Variants in CNTN4 observed in about 807,000 individuals in gnomAD.
The protein encoded by CNTN4 is contactin 4.
Under a neutral mutation model 122.5 loss-of-function variants are expected in CNTN4, and 77 were observed. The ratio of observed to expected loss-of-function variants is 0.63; its 90% CI spans 0.52 to 0.76. CNTN4 has a LOEUF of 0.76. CNTN4 is among the 30% of genes least tolerant of loss of function. The probability of loss-of-function intolerance (pLI) is 0.00; values close to 1 mark genes in which losing one functional copy is unlikely to be tolerated. For missense variants in CNTN4, 1,256 were observed against 1,259.1 expected, an observed-to-expected ratio of 1.00 and a Z score of 0.04; for synonymous variants, 512 against 447.0, an observed-to-expected ratio of 1.15 and a Z score of -1.83.
intron 2 of CNTN4, among the ~76,000 whole-genome samples, chr3:2,136,762 G>T (rs1017598506): frequency 6.6e-5 from 10 of 151,648 alleles, no homozygotes; most frequent in African/African-American, 2.4e-4. Flanking sequence ...TATGCTATTT[G>T]TAATTACAGA....
At chr3:2,971,729 C>G (rs1283385110) in intron 13 of CNTN4, among the ~76,000 whole-genome samples, 1 of 152,100 alleles carries the variant, frequency 6.6e-6, no homozygotes, top group Admixed American at 6.5e-5. Flanking sequence ...TCCATAAAAA[C>G]TTTATCTTCT....
intron 6 of CNTN4, among the ~76,000 whole-genome samples, chr3:2,807,920 A>G (rs1336335816): frequency 1.3e-5 from 2 of 152,150 alleles, no homozygotes; most frequent in African/African-American, 4.8e-5. Context: ...TACTCTTTGG[A>G]TAGAATTAAG....
intron 4 of CNTN4, among the ~76,000 whole-genome samples, chr3:2,670,613 T>G (rs1247972559): frequency 6.6e-6 from 1 of 152,226 alleles, no homozygotes; most frequent in Non-Finnish European, 1.5e-5. Flanking sequence ...AATATTGTTA[T>G]GTGCGAATTT....
intron 7 of CNTN4, among the ~76,000 whole-genome samples, chr3:2,856,008 G>T (rs6780485): frequency 0.021 from 3,271 of 152,248 alleles, 121 homozygotes; most frequent in African/African-American, 0.075. Context: ...TCTGATGAAA[G>T]AGATATACTT....
In CNTN4 at chr3:2,807,157, G is replaced by A. The variant is rs889416680; in HGVS notation, c.359-12329G>A. ...TACTGTAGGTACTGAATGAATCTTC[G>A]TTGGTTCTTAACTACCACAAAGTGC... On this transcript the variant is annotated intron_variant, in intron 6 of 24. Coordinates refer to ENST00000418658, the MANE Select transcript of CNTN4 (RefSeq NM_175607.3). Among the ~76,000 whole-genome samples the A allele has an allele frequency of 7.9e-5, 12 of 152,094 alleles. 1 individual carries two copies. Among genetic ancestry groups the A allele is most frequent in the Admixed American group, 3.9e-4 (6 of 15,266 alleles).
intron 14 of CNTN4, among the ~76,000 whole-genome samples, chr3:3,011,465 T>G (rs963418414): frequency 1.3e-5 from 2 of 152,202 alleles, no homozygotes; most frequent in Non-Finnish European, 2.9e-5. Flanking sequence ...ACAAGCATGA[T>G]AATCCCTTGA....
intron 2 of CNTN4, among the ~76,000 whole-genome samples, chr3:2,140,233 C>G (rs925257220): frequency 9.2e-5 from 14 of 152,136 alleles, no homozygotes; most frequent in African/African-American, 3.1e-4. Context: ...AGTGTGAGAA[C>G]AGACTAATAC....
At chr3:2,463,717 C>T (rs955975777) in intron 3 of CNTN4, among the ~76,000 whole-genome samples, 40 of 151,960 alleles carry the variant, frequency 2.6e-4, no homozygotes, top group African/African-American at 8.9e-4. Context: ...CAAGATCGTG[C>T]GAATTCACTC....
At chr3:2,281,154 T>C (rs2041700430) in intron 2 of CNTN4, among the ~76,000 whole-genome samples, 1 of 152,182 alleles carries the variant, frequency 6.6e-6, no homozygotes, top group African/African-American at 2.4e-5. Context: ...TTACTAGCTT[T>C]TTGTGATTAC....
intron 2 of CNTN4, among the ~76,000 whole-genome samples, chr3:2,235,111 G>T (rs193214790): frequency 1.3e-5 from 2 of 152,078 alleles, no homozygotes; most frequent in African/African-American, 2.4e-5. Flanking sequence ...GAGAACACCC[G>T]TAAGTTTATA....
At chr3:2,756,570 G>A (rs2090348359) in intron 6 of CNTN4, among the ~76,000 whole-genome samples, 1 of 152,172 alleles carries the variant, frequency 6.6e-6, no homozygotes, top group Admixed American at 6.5e-5. Flanking sequence ...GTGTCTACCT[G>A]GAAACTGTGA....
chr3:2,795,022 A>G (rs1165064562), intron 6 of CNTN4, among the ~76,000 whole-genome samples: 1 of 152,166 alleles, frequency 6.6e-6, no homozygotes, highest in Non-Finnish European at 1.5e-5. Context: ...GGTGGGGACA[A>G]ACATTCATTG....
intron 2 of CNTN4, among the ~76,000 whole-genome samples, chr3:2,175,026 A>T (rs114318018): frequency 6.6e-6 from 1 of 152,214 alleles, no homozygotes; most frequent in East Asian, 1.9e-4. Flanking sequence ...GGTGGGGTCA[A>T]ATGTTCCAAC....
At chr3:2,885,114 C>A (rs893401997) in intron 9 of CNTN4, among the ~76,000 whole-genome samples, 16 of 152,062 alleles carry the variant, frequency 1.1e-4, no homozygotes, top group Non-Finnish European at 8.8e-5. Flanking sequence ...TTTTAAATAC[C>A]ATCTCAGGTT....
At chr3:2,790,592 G>C (rs1184133138) in intron 6 of CNTN4, among the ~76,000 whole-genome samples, 1 of 152,156 alleles carries the variant, frequency 6.6e-6, no homozygotes, top group African/African-American at 2.4e-5. Flanking sequence ...TAACATGCCA[G>C]GCAAATCAGC....
intron 3 of CNTN4, among the ~76,000 whole-genome samples, chr3:2,470,969 A>G (rs75675617): frequency 0.011 from 1,711 of 152,320 alleles, 41 homozygotes; most frequent in African/African-American, 0.039. Context: ...CCAAGGGAAA[A>G]GATGGCACAT....
intron 2 of CNTN4, among the ~76,000 whole-genome samples, chr3:2,227,756 C>T (rs1051152019): frequency 1.2e-4 from 19 of 152,228 alleles, no homozygotes; most frequent in Middle Eastern, 3.4e-3. Flanking sequence ...CTGGCAGATG[C>T]TTTTAAGTCA....
intron 2 of CNTN4, among the ~76,000 whole-genome samples, chr3:2,197,073 A>G (rs887693755): frequency 1.3e-5 from 2 of 151,298 alleles, no homozygotes; most frequent in African/African-American, 2.4e-5. Context: ...AAAAAAAAGA[A>G]GAAGAAGAAA....
intron 6 of CNTN4, among the ~76,000 whole-genome samples, chr3:2,812,995 A>G (rs2092647395): frequency 6.6e-6 from 1 of 152,142 alleles, no homozygotes; most frequent in African/African-American, 2.4e-5. Flanking sequence ...TTCTTCCTAA[A>G]TGGAAAGAAT....
Sources: gnomAD v4.1 joint callset for allele counts (sites outside exome capture counted in the v4.1 genomes callset) on GRCh38, gnomAD v4.1.1 for gene constraint, MANE v1.5 for transcripts, NCBI Gene and HGNC (gene_info 2026-07-23, HGNC 2026-07-21) for gene names.